FBXO46: variants seen among roughly 807,000 people sequenced by gnomAD.
The protein encoded by FBXO46 is F-box only protein 46.
FBXO46 carries 13 observed loss-of-function variants against 30.7 expected under a neutral mutation model. The ratio of observed to expected loss-of-function variants is 0.42; its 90% confidence interval spans 0.28 to 0.67. The LOEUF (loss-of-function observed/expected upper bound fraction) is 0.67. FBXO46 is among the 30% of genes least tolerant of loss of function. FBXO46 has a pLI of 0.21. For synonymous variants in FBXO46, 467 were observed against 385.8 expected (o/e 1.21, Z -2.47); for missense variants, 754 against 871.5 (o/e 0.87, Z 1.70).
At chr19:45,717,604 G>A (rs984696663) in intron 1 of FBXO46, among the ~76,000 whole-genome samples, 1 of 152,190 alleles carries the variant, frequency 6.6e-6, no homozygotes, top group Non-Finnish European at 1.5e-5. Flanking sequence ...AACGGAACAA[G>A]GTCAGGGCAA....
In FBXO46 at chr19:45,712,256, G is replaced by A. The variant is rs868369794; in HGVS notation, c.1240C>T (p.Arg414Cys). 14 of 1,604,598 alleles carry A rather than the reference G, an allele frequency of 8.7e-6. No homozygotes were observed. The highest frequency in any genetic ancestry group is 5.3e-5 in the African/African-American group (4 of 74,848). Residue 414 changes from arginine to cysteine, a missense_variant, in exon 2 of 2, where the codon CGC (arginine) becomes TGC (cysteine). By Grantham distance (180) the Arg-to-Cys change is radical. Transcript: ENST00000317683. The surrounding 1 kb of genome is among the most constrained non-coding windows in gnomAD (Gnocchi z 8.8). ...PPGQLFFLQN[R>C]GPDGPPEPPP... The stretch of plus-strand genomic sequence containing the variant: ...GGCTCCGGGGGCCCGTCCGGCCCGC[G>A]GTTCTGGAGAAAGAAGAGCTGGCCC...
At chr19:45,729,087 G>A (rs1274106324) in intron 1 of FBXO46, among the ~76,000 whole-genome samples, 1 of 151,760 alleles carries the variant, frequency 6.6e-6, no homozygotes, top group Non-Finnish European at 1.5e-5. Flanking sequence ...GGCAACAAGA[G>A]CGAAACTCCG....
At chr19:45,731,533 TC>T (rs778202371), upstream of FBXO46, among the ~76,000 whole-genome samples, 1 of 151,662 alleles carries the variant, frequency 6.6e-6, no homozygotes, top group Non-Finnish European at 1.5e-5. Context: ...GTCAGGCTGG[TC>T]TTGAACTCCT....
chr19:45,723,324 T>C (rs1968198265), intron 1 of FBXO46: 1 of 151,330 alleles, frequency 6.6e-6, no homozygotes, highest in Admixed American at 6.6e-5. Context: ...CAGTGAGCTA[T>C]GATCATGCCA....
chr19:45,717,203 G>T (rs1037220399), intron 1 of FBXO46: 15 of 136,782 alleles, frequency 1.1e-4, no homozygotes, highest in African/African-American at 4.0e-4. Context: ...CCCCCCCAAA[G>T]AAATCTTCCA....
rs1430261175 is a variant in FBXO46 at position 45,712,597 on chromosome 19, G to A, written c.899C>T (p.Ala300Val). The change falls in exon 2 of 2, where the codon GCC (alanine) becomes GTC (valine). Residue 300 changes from alanine (A) to valine (V), a missense_variant. By Grantham distance (64) the Ala-to-Val change is moderately conservative. Transcript: ENST00000317683. This position sits in a 1 kb window ranked among gnomAD's most constrained non-coding sequence, Gnocchi z 8.8. ...YPGSPGPGAR[A>V]KDKITCDLYQ... is the part of the protein sequence containing the mutation. Reference sequence around the variant, plus strand: ...TAAGTCACATGTGATCTTGTCCTTGGCTCGGGCCCCAGGACCTGGGCTGCC... The same window carrying A: ...TAAGTCACATGTGATCTTGTCCTTGACTCGGGCCCCAGGACCTGGGCTGCC... The A allele has an allele frequency of 1.9e-6, 3 of 1,591,522 alleles. No individual in the cohort carries two copies. Among genetic ancestry groups the A allele is most frequent in the South Asian group, 2.3e-5 (2 of 88,136 alleles).
intron 1 of FBXO46, among the ~76,000 whole-genome samples, chr19:45,727,003 A>G (rs1968248387): frequency 6.6e-6 from 1 of 151,966 alleles, no homozygotes; most frequent in African/African-American, 2.4e-5. Context: ...CATGCCTGTA[A>G]CCCCAGCACT....
At chr19:45,715,616 G>A (rs144174530) in intron 1 of FBXO46, 2 of 152,224 alleles carry the variant, frequency 1.3e-5, no homozygotes, top group African/African-American at 2.4e-5. Flanking sequence ...AGATCAGCCT[G>A]GCTAACATGG....
intron 1 of FBXO46, chr19:45,714,393 G>C (rs1968056399): frequency 6.6e-6 from 1 of 151,502 alleles, no homozygotes; most frequent in Non-Finnish European, 1.5e-5. Flanking sequence ...TTTTCAGGTA[G>C]TGGGGCTTAA....
At chr19:45,717,291 A>C (rs1333675420) in intron 1 of FBXO46, 2 of 152,040 alleles carry the variant, frequency 1.3e-5, no homozygotes, top group Non-Finnish European at 2.9e-5. Flanking sequence ...CGGCGGGAGA[A>C]GGCTGCAGCC....
Position 45,712,461 on chromosome 19 carries a change from C to T in FBXO46, c.1035G>A (p.Glu345=). 6.2e-7 allele frequency: 1 copy of T among 1,610,712 alleles called. No homozygotes were observed. Among genetic ancestry groups the T allele is most frequent in the African/African-American group, 1.3e-5 (1 of 75,034 alleles). The change falls in exon 2 of 2, where the codon GAG becomes GAA. Residue 345 remains glutamate, a synonymous_variant. Coordinates refer to ENST00000317683, the MANE Select transcript of FBXO46 (RefSeq NM_001080469.2). This position sits in a 1 kb window ranked among gnomAD's most constrained non-coding sequence, Gnocchi z 8.8. The stretch of plus-strand genomic sequence containing the variant: ...GCGGAGGGGGCGCCGGGGGAGTGTC[C>T]TCAGGCCTGGCGGGTGCCGGGCTGT... ...EGDSPAPARP[E]DTPPAPPPPP...
chr19:45,716,754 A>C (rs1366952233), intron 1 of FBXO46: 1 of 152,150 alleles, frequency 6.6e-6, no homozygotes, highest in African/African-American at 2.4e-5. Flanking sequence ...ACATGTGCTT[A>C]CTGCACGCTC....
Position 45,713,152 on chromosome 19 carries a change from G to A in FBXO46, c.344C>T (p.Ala115Val), listed in dbSNP as rs376962313. The change falls in exon 2 of 2, where the codon GCC becomes GTC. Residue 115 changes from alanine to valine, a missense_variant. Transcript: ENST00000317683. This position sits in a 1 kb window ranked among gnomAD's most constrained non-coding sequence, Gnocchi z 4.7. ...VAHQCGGGSR[A>V]SSMKVKGHWG... is the part of the protein sequence containing the mutation. ...GTGCCCCTTGACCTTCATGGAGCTG[G>A]CCCGGCTGCCCCCACCACACTGGTG... The A allele has an allele frequency of 5.0e-6, 8 of 1,613,418 alleles. No individual in the cohort carries two copies. Among genetic ancestry groups the A allele is most frequent in the Non-Finnish European group, 6.8e-6 (8 of 1,179,788 alleles).
rs1600351594 is a variant in FBXO46 at position 45,711,235 on chromosome 19, T to G, written c.*449A>C. 1 of 426,248 alleles carries G rather than the reference T, an allele frequency of 2.3e-6. No individual in the cohort carries two copies. The allele number at this position is 426,248 out of a possible 1,614,324, so 26.4% of individuals were successfully genotyped here. On this transcript the variant is annotated 3_prime_UTR_variant, in exon 2 of 2. Coordinates refer to ENST00000317683, the MANE Select transcript of FBXO46 (RefSeq NM_001080469.2). ...CTGTCGTGTGGCAGGTTAGGAGAGG[T>G]GCCAACCTTGGGCGATGCGGCTTCT...
chr19:45,712,812 G>C lies in FBXO46; in HGVS notation c.684C>G (p.Ala228=), dbSNP rs776048463. 1 of 1,612,644 alleles carries C rather than the reference G, an allele frequency of 6.2e-7. No homozygotes were observed. The highest frequency in any genetic ancestry group is 8.5e-7 in the Non-Finnish European group (1 of 1,179,490). The change falls in exon 2 of 2, where the codon GCC becomes GCG. Residue 228 remains alanine, a synonymous_variant. Transcript: ENST00000317683. This position sits in a 1 kb window ranked among gnomAD's most constrained non-coding sequence, Gnocchi z 8.8. ...RSGGGDCSRV[A]EAVAHFEAQR... is the part of the protein sequence containing the mutation. ...GCGCTTCAAAGTGGGCCACGGCCTCGGCTACACGGCTGCAGTCCCCACCAC... is the reference window on the plus strand; with the variant it reads ...GCGCTTCAAAGTGGGCCACGGCCTCCGCTACACGGCTGCAGTCCCCACCAC...
At chr19:45,726,469 G>A (rs939854737) in intron 1 of FBXO46, among the ~76,000 whole-genome samples, 2 of 152,028 alleles carry the variant, frequency 1.3e-5, no homozygotes, top group African/African-American at 2.4e-5. Flanking sequence ...CCAACACAAC[G>A]AAATCTCGTC....
chr19:45,711,875 C>A lies in FBXO46; in HGVS notation c.1621G>T (p.Asp541Tyr). Residue 541 changes from aspartate to tyrosine, a missense_variant, in exon 2 of 2, where the codon GAC becomes TAC. Transcript: ENST00000317683. ...KQCRKRYEKG[D>Y]VSLCRWHPKP... ...GGGTGCCAGCGGCAGAGCGACACGT[C>A]GCCCTTCTCGTATCTCTTGCGGCAC... 1 of 1,613,702 alleles carries A rather than the reference C, an allele frequency of 6.2e-7. No individual in the cohort carries two copies. Among genetic ancestry groups the A allele is most frequent in the Non-Finnish European group, 8.5e-7 (1 of 1,179,812 alleles).
At position 45,712,812 on chromosome 19, in the gene FBXO46, G is replaced by A. The variant is rs776048463; in HGVS notation, c.684C>T (p.Ala228=). 5.6e-6 allele frequency: 9 copies of A among 1,612,526 alleles called. No homozygotes were observed. The highest frequency in any genetic ancestry group is 4.0e-5 in the African/African-American group (3 of 74,912). Reference sequence around the variant, plus strand: ...GCGCTTCAAAGTGGGCCACGGCCTCGGCTACACGGCTGCAGTCCCCACCAC... The same window carrying A: ...GCGCTTCAAAGTGGGCCACGGCCTCAGCTACACGGCTGCAGTCCCCACCAC... ...RSGGGDCSRV[A]EAVAHFEAQR... is the part of the protein sequence containing the mutation. Residue 228 remains alanine (A), a synonymous_variant, in exon 2 of 2, where the codon GCC becomes GCT. Transcript: ENST00000317683. The surrounding 1 kb of genome is among the most constrained non-coding windows in gnomAD (Gnocchi z 8.8).
chr19:45,720,118 GC>G (rs990605005), intron 1 of FBXO46, among the ~76,000 whole-genome samples: 7 of 151,752 alleles, frequency 4.6e-5, no homozygotes, highest in Admixed American at 4.6e-4. Flanking sequence ...CATCTCAGCT[GC>G]CTTCTTTTTT....
Sources: gnomAD v4.1 joint callset for allele counts (sites outside exome capture counted in the v4.1 genomes callset) on GRCh38, gnomAD v4.1.1 for gene constraint, Gnocchi (gnomAD v3.1) non-coding constraint, MANE v1.5 for transcripts, NCBI Gene and HGNC (gene_info 2026-07-23, HGNC 2026-07-21) for gene names.